MTHFD1: variants seen among roughly 807,000 people sequenced by gnomAD.
MTHFD1 encodes the protein methylenetetrahydrofolate dehydrogenase, cyclohydrolase and formyltetrahydrofolate synthetase 1.
MTHFD1 carries 44 observed loss-of-function variants against 110.3 expected under a neutral mutation model. That is an observed-to-expected ratio of 0.40 (90% confidence interval 0.31 to 0.51). The LOEUF is 0.51. Among genes scored for constraint, MTHFD1 ranks in the 20% least tolerant of loss-of-function variants. The pLI is 0.60. For missense variants in MTHFD1, 909 were observed against 1,173.1 expected (o/e 0.77, Z 3.29); for synonymous variants, 402 against 428.8 (o/e 0.94, Z 0.77).
intron 7 of MTHFD1, 60 bp from the exon 8 acceptor site, chr14:64,419,754 G>GTT: frequency 2.8e-6 from 3 of 1,088,876 alleles, no homozygotes; most frequent in Non-Finnish European, 4.2e-6. Flanking sequence ...TCATTTCTGG[G>GTT]TTTTTTTTTG....
In MTHFD1 at chr14:64,419,914, A is replaced by G; in HGVS notation, c.716A>G (p.Asn239Ser). ...GCAATAGTCATCGACTGTGGAATCA[A>G]TTATGTCCCAGGTGAGTGTTGTTGG... The part of the protein sequence containing the change: ...PGAIVIDCGI[N>S]YVPDDKKPNG... The change falls in exon 8 of 28, where the codon AAT (asparagine) becomes AGT (serine). Residue 239 changes from asparagine to serine, a missense_variant. Around this residue, in one of 3 missense-constraint regions of MTHFD1, gnomAD observed 424 missense variants for 510.4 expected, o/e 0.83. Coordinates refer to ENST00000652337, the MANE Select transcript of MTHFD1 (RefSeq NM_005956.4). 1.2e-6 allele frequency: 2 copies of G among 1,612,356 alleles called. No individual in the cohort carries two copies. The highest frequency in any genetic ancestry group is 2.2e-5 in the East Asian group (1 of 44,874).
Position 64,403,011 on chromosome 14 carries a change from G to A in MTHFD1, c.126+2134G>A, listed in dbSNP as rs182594848. ...TGGGACAGAGTTTTACTGTTACTCA[G>A]TGCAGTGGCACAATCTTGGTTCACT... is the stretch of plus-strand genomic sequence containing the variant. On this transcript the variant is annotated intron_variant, in intron 2 of 27. Transcript: ENST00000652337. 1.7e-3 allele frequency among the ~76,000 whole-genome samples: 260 copies of A among 152,174 alleles called. 1 individual carries two copies. Among genetic ancestry groups the A allele is most frequent in the Admixed American group, 1.9e-3 (29 of 15,278 alleles).
intron 24 of MTHFD1, among the ~76,000 whole-genome samples, chr14:64,451,208 G>A (rs927671769): frequency 2.0e-4 from 31 of 152,042 alleles, no homozygotes; most frequent in African/African-American, 7.2e-4. Context: ...TTCTTGTAGT[G>A]ACTGGGTCTC....
Position 64,426,089 on chromosome 14 carries a change from T to C in MTHFD1, c.1024T>C (p.Ser342Pro). Residue 342 changes from serine to proline, a missense_variant, in exon 11 of 28, where the codon TCT (serine) becomes CCT (proline). Coordinates refer to ENST00000652337, the MANE Select transcript of MTHFD1 (RefSeq NM_005956.4). ...GKLAREIGLLSEEVELYGETK... is the reference protein window; with the variant it reads ...GKLAREIGLLPEEVELYGETK... The stretch of plus-strand genomic sequence containing the variant: ...GCTGGCTCGAGAAATTGGTCTGCTG[T>C]CTGAAGAGGTAGAATTATATGGTGA... 2 of 1,614,046 alleles carry C rather than the reference T, an allele frequency of 1.2e-6. No individual in the cohort carries two copies. Among genetic ancestry groups the C allele is most frequent in the Non-Finnish European group, 8.5e-7 (1 of 1,180,040 alleles).
intron 25 of MTHFD1, 120 bp downstream of exon 25, chr14:64,453,981 T>C: frequency 1.4e-6 from 1 of 712,796 alleles, no homozygotes; most frequent in Non-Finnish European, 2.6e-6. Context: ...GTGGCAGCCT[T>C]CTCTCCTCTG....
intron 9 of MTHFD1, among the ~76,000 whole-genome samples, chr14:64,425,210 C>CTTT (rs60509639): frequency 1.6e-4 from 21 of 128,764 alleles, no homozygotes; most frequent in Admixed American, 2.3e-4. Context: ...CCTTCCCTTT[C>CTTT]TTTTTTTTTT....
At chr14:64,420,550 G>A (rs1257292736) in intron 8 of MTHFD1, among the ~76,000 whole-genome samples, 1 of 152,132 alleles carries the variant, frequency 6.6e-6, no homozygotes, top group Non-Finnish European at 1.5e-5. Context: ...CTAAATATTA[G>A]GAATTGTTTT....
At chr14:64,430,062 A>T (rs1052225653) in intron 12 of MTHFD1, 122 bp from the exon 13 acceptor site, 1 of 903,956 alleles carries the variant, frequency 1.1e-6, no homozygotes, top group Admixed American at 1.8e-5. Context: ...TGTCCAAATG[A>T]TTCTAAAAAA....
At position 64,454,786 on chromosome 14, in the gene MTHFD1, C is replaced by G; in HGVS notation, c.2629C>G (p.Gln877Glu). ...CTTGTCTTTGTCTCACAACCCAGAG[C>G]AAAAAGGTGTCCCTACAGGCTTCAT... Reference protein sequence around the residue: ...THLSLSHNPEQKGVPTGFILP... With the variant: ...THLSLSHNPEEKGVPTGFILP... Residue 877 changes from glutamine (Q) to glutamate (E), a missense_variant, in exon 26 of 28, where the codon CAA becomes GAA. Physicochemically the swap from Gln to Glu is conservative, Grantham distance 29 (BLOSUM62 2). This residue lies in a region of MTHFD1 where 482 missense variants were observed against 646.0 expected (regional missense o/e 0.75). Coordinates refer to ENST00000652337, the MANE Select transcript of MTHFD1 (RefSeq NM_005956.4). 1 of 1,614,048 alleles carries G rather than the reference C, an allele frequency of 6.2e-7. No individual in the cohort carries two copies. Among genetic ancestry groups the G allele is most frequent in the Non-Finnish European group, 8.5e-7 (1 of 1,179,896 alleles).
chr14:64,450,894 A>G (rs2078360445), intron 24 of MTHFD1, among the ~76,000 whole-genome samples: 1 of 152,058 alleles, frequency 6.6e-6, no homozygotes, highest in Admixed American at 6.6e-5. Context: ...TTGGCCAGGC[A>G]CAGTGGCTCA....
chr14:64,457,382 T>C (rs1404586896), intron 26 of MTHFD1, among the ~76,000 whole-genome samples: 1 of 152,046 alleles, frequency 6.6e-6, no homozygotes, highest in East Asian at 1.9e-4. Flanking sequence ...CTACTGCTTG[T>C]GACCACATGG....
At chr14:64,403,612 C>T (rs1162793168) in intron 2 of MTHFD1, among the ~76,000 whole-genome samples, 2 of 150,864 alleles carry the variant, frequency 1.3e-5, no homozygotes, top group African/African-American at 4.9e-5. Flanking sequence ...TGCCTTGTTG[C>T]CCTAGCTGGT....
At chr14:64,433,518 A>G (rs2078178333) in intron 15 of MTHFD1, among the ~76,000 whole-genome samples, 1 of 151,972 alleles carries the variant, frequency 6.6e-6, no homozygotes. Context: ...CCAGGACTCA[A>G]GTGATTCTCC....
At chr14:64,396,961 T>G (rs1254185929) in intron 1 of MTHFD1, among the ~76,000 whole-genome samples, 13 of 144,980 alleles carry the variant, frequency 9.0e-5, no homozygotes, top group African/African-American at 2.8e-4. Flanking sequence ...AAAAATTAGC[T>G]GGGCGTGGTG....
intron 22 of MTHFD1, chr14:64,445,030 T>C: frequency 4.7e-6 from 2 of 427,012 alleles, no homozygotes; most frequent in South Asian, 2.1e-5. Flanking sequence ...GAGACTTTTT[T>C]TATTATTACA....
intron 1 of MTHFD1, among the ~76,000 whole-genome samples, chr14:64,393,764 C>G (rs1596528655): frequency 2.0e-5 from 3 of 152,118 alleles, no homozygotes. Context: ...CCTGTTACAT[C>G]CCCTATTTGC....
intron 1 of MTHFD1, among the ~76,000 whole-genome samples, chr14:64,390,059 A>G (rs568751051): frequency 8.5e-4 from 130 of 152,294 alleles, no homozygotes; most frequent in Non-Finnish European, 1.4e-3. Flanking sequence ...ATTTTTGTCT[A>G]TATCCTAAAC....
intron 22 of MTHFD1, among the ~76,000 whole-genome samples, chr14:64,445,930 AATT>A (rs1421072748): frequency 6.6e-6 from 1 of 152,188 alleles, no homozygotes; most frequent in Non-Finnish European, 1.5e-5. Flanking sequence ...CTCAGTTTTC[AATT>A]ATTAAAGGAA....
At chr14:64,436,461 T>A (rs1483846095) in intron 16 of MTHFD1, among the ~76,000 whole-genome samples, 1 of 152,228 alleles carries the variant, frequency 6.6e-6, no homozygotes, top group Non-Finnish European at 1.5e-5. Flanking sequence ...CTTCAAGGTT[T>A]AAATACTTAC....
Sources: allele counts gnomAD v4.1 joint callset (sites outside exome capture counted in the v4.1 genomes callset), GRCh38; gene constraint gnomAD v4.1.1; regional missense constraint gnomAD v4.1.1; transcripts MANE v1.5; gene names NCBI Gene and HGNC (gene_info 2026-07-23, HGNC 2026-07-21).